CHCHD6: variants seen among roughly 807,000 people sequenced by gnomAD.
CHCHD6 encodes the protein coiled-coil-helix-coiled-coil-helix domain containing 6.
A neutral mutation model predicts 32.3 loss-of-function variants in CHCHD6; 28 were observed. The observed-to-expected ratio is 0.87, with a 90% CI of 0.64 to 1.19. The LOEUF (loss-of-function observed/expected upper bound fraction) is 1.19. Ranked by LOEUF, CHCHD6 falls within the 50% of genes most tolerant of loss-of-function variation. The pLI, the probability that CHCHD6 is intolerant of heterozygous loss-of-function variation, is 0.00. For synonymous variants in CHCHD6, 122 were observed against 117.5 expected (o/e 1.04, Z -0.25); for missense variants, 333 against 307.0 (o/e 1.08, Z -0.63).
chr3:126,799,253 A>G lies in CHCHD6; in HGVS notation c.412-53394A>G, dbSNP rs1219576829. 2.0e-5 allele frequency among the ~76,000 whole-genome samples: 3 copies of G among 152,224 alleles called. No homozygotes were observed. In the East Asian group the frequency reaches 5.8e-4, roughly 29 times the overall value. On this transcript the variant is annotated intron_variant, in intron 4 of 7. Coordinates refer to ENST00000290913, the MANE Select transcript of CHCHD6 (RefSeq NM_032343.3). ...TCACTCTTGTCTCTAGCTGTACTCA[A>G]CAGATGGGTGTGGGCACTACAAGCT...
chr3:126,909,369 C>T (rs530938795), intron 5 of CHCHD6, among the ~76,000 whole-genome samples: 46 of 152,326 alleles, frequency 3.0e-4, no homozygotes, highest in African/African-American at 9.1e-4. Flanking sequence ...CAGGGGCTGC[C>T]GGGTGATCTC....
chr3:126,758,425 CTG>C (rs1380189952), intron 4 of CHCHD6, among the ~76,000 whole-genome samples: 1 of 152,236 alleles, frequency 6.6e-6, no homozygotes, highest in East Asian at 1.9e-4. Flanking sequence ...GCATGTTACA[CTG>C]TGTCTTTTTG....
chr3:126,783,898 G>T (rs1037984005), intron 4 of CHCHD6, among the ~76,000 whole-genome samples: 2 of 152,136 alleles, frequency 1.3e-5, no homozygotes, highest in Non-Finnish European at 2.9e-5. Flanking sequence ...GATTGTCCTT[G>T]TTAAGGAACT....
intron 5 of CHCHD6, among the ~76,000 whole-genome samples, chr3:126,897,288 A>G (rs1366016989): frequency 1.3e-5 from 2 of 152,162 alleles, no homozygotes; most frequent in African/African-American, 2.4e-5. Flanking sequence ...ATGACCATGG[A>G]CAAGGTTCTC....
In CHCHD6 at chr3:126,957,554, A is replaced by G; in HGVS notation, c.702+3A>G. The G allele has an allele frequency of 1.3e-6, 2 of 1,561,558 alleles. No individual in the cohort carries two copies. On this transcript the variant is annotated splice_donor_region_variant and intron_variant, in intron 7 of 7. Coordinates refer to ENST00000290913, the MANE Select transcript of CHCHD6 (RefSeq NM_032343.3). ...GCTGCGTGAGCGCCGCCCACAAGGT[A>G]AGGCCTTGCCTGCCTCCCAGGTTTC...
intron 7 of CHCHD6, among the ~76,000 whole-genome samples, chr3:126,958,095 C>T (rs2078812059): frequency 6.6e-6 from 1 of 151,832 alleles, no homozygotes; most frequent in South Asian, 2.1e-4. Flanking sequence ...CCTCCCACTC[C>T]AGTGGGCCTC....
intron 4 of CHCHD6, chr3:126,767,339 G>A (rs114294428): frequency 1.1e-6 from 1 of 891,010 alleles, no homozygotes; most frequent in East Asian, 2.4e-5. Flanking sequence ...CAAGGCCAAG[G>A]TGTAGTTCTG....
intron 6 of CHCHD6, among the ~76,000 whole-genome samples, chr3:126,944,217 C>T (rs894766889): frequency 9.2e-5 from 14 of 152,242 alleles, no homozygotes; most frequent in African/African-American, 3.1e-4. Context: ...CCCAGACAGA[C>T]GCCTGTTCAG....
At chr3:126,847,252 G>C (rs1158792776) in intron 4 of CHCHD6, among the ~76,000 whole-genome samples, 1 of 152,140 alleles carries the variant, frequency 6.6e-6, no homozygotes, top group African/African-American at 2.4e-5. Context: ...AGGCTCCACT[G>C]GGGGAGGGTC....
chr3:126,770,071 G>A (rs9822526), intron 4 of CHCHD6, among the ~76,000 whole-genome samples: 30,482 of 151,942 alleles, frequency 0.2, 3,450 homozygotes, highest in African/African-American at 0.3. Context: ...CCTTGGTTAC[G>A]TGTATTCTAA....
intron 4 of CHCHD6, among the ~76,000 whole-genome samples, chr3:126,840,351 A>G (rs1329060737): frequency 6.6e-6 from 1 of 152,208 alleles, no homozygotes; most frequent in Non-Finnish European, 1.5e-5. Flanking sequence ...ACTAAAACCC[A>G]CTGCATTATA....
chr3:126,883,172 T>C (rs570337858), intron 5 of CHCHD6, among the ~76,000 whole-genome samples: 1 of 152,306 alleles, frequency 6.6e-6, no homozygotes, highest in East Asian at 1.9e-4. Flanking sequence ...TCCACGTCCC[T>C]TTTCCCCATA....
chr3:126,878,733 A>G (rs1375204953), intron 5 of CHCHD6, among the ~76,000 whole-genome samples: 3 of 152,264 alleles, frequency 2.0e-5, no homozygotes, highest in Non-Finnish European at 2.9e-5. Flanking sequence ...GTTGGGAAAT[A>G]GGATAATCAC....
intron 4 of CHCHD6, 45 bp from the exon 5 acceptor site, chr3:126,852,602 C>T: frequency 7.0e-7 from 1 of 1,432,130 alleles, no homozygotes; most frequent in Non-Finnish European, 9.9e-7. Context: ...ACCATTCCAG[C>T]ACCATCGCTG....
chr3:126,784,683 A>G (rs1938115077), intron 4 of CHCHD6, among the ~76,000 whole-genome samples: 1 of 152,186 alleles, frequency 6.6e-6, no homozygotes. Context: ...GTGTCAGCAG[A>G]TACCACTGCC....
intron 4 of CHCHD6, among the ~76,000 whole-genome samples, chr3:126,745,700 C>A (rs1483516679): frequency 1.3e-5 from 2 of 152,180 alleles, no homozygotes; most frequent in Non-Finnish European, 2.9e-5. Context: ...CCTGAGTACA[C>A]CCCTCCCCAC....
At chr3:126,862,586 T>C (rs1228837553) in intron 5 of CHCHD6, among the ~76,000 whole-genome samples, 59 of 30,518 alleles carry the variant, frequency 1.9e-3, no homozygotes, top group Admixed American at 3.4e-3. Context: ...TCCTCCACCA[T>C]CACCTCTTCC....
At chr3:126,795,245 G>A (rs1344519131) in intron 4 of CHCHD6, among the ~76,000 whole-genome samples, 1 of 152,148 alleles carries the variant, frequency 6.6e-6, no homozygotes, top group African/African-American at 2.4e-5. Flanking sequence ...CATTTATAAG[G>A]TGTTTTCCCT....
At chr3:126,855,005 A>G (rs936329957) in intron 5 of CHCHD6, 33 of 152,116 alleles carry the variant, frequency 2.2e-4, no homozygotes, top group African/African-American at 7.7e-4. Flanking sequence ...AGACTTATGG[A>G]CCCTTTTGTC....
Sources: allele counts gnomAD v4.1 joint callset (sites outside exome capture counted in the v4.1 genomes callset), GRCh38; gene constraint gnomAD v4.1.1; transcripts MANE v1.5; gene names NCBI Gene and HGNC (gene_info 2026-07-23, HGNC 2026-07-21).